The following SERPINE2 variants were observed in gnomAD, a reference collection of about 807,000 sequenced individuals.
The protein encoded by SERPINE2 is glia-derived nexin.
Under a neutral mutation model 36.3 loss-of-function variants are expected in SERPINE2, and 14 were observed. That is an observed-to-expected ratio of 0.39 (90% CI 0.25 to 0.60). SERPINE2 has a LOEUF of 0.60. SERPINE2 is among the 20% of genes least tolerant of loss of function. SERPINE2 has a pLI of 0.57. For synonymous variants in SERPINE2, 192 were observed against 191.8 expected, an observed-to-expected ratio of 1.00 and a Z score of -0.01; for missense variants, 418 against 499.6, an observed-to-expected ratio of 0.84 and a Z score of 1.56.
At chr2:223,983,694 G>A (rs6436450) in intron 5 of SERPINE2, among the ~76,000 whole-genome samples, 2 of 18,906 alleles carry the variant, frequency 1.1e-4, no homozygotes, top group South Asian at 7.9e-4. Flanking sequence ...GGAGATATAT[G>A]CACACACACA....
chr2:224,030,149 A>T (rs1692313939), intron 1 of SERPINE2: 2 of 985,320 alleles, frequency 2.0e-6, no homozygotes, highest in Non-Finnish European at 2.4e-6. Context: ...AGTCAGAAGG[A>T]GGTTATTTCA....
At chr2:224,012,272 C>T (rs1559212959) in intron 1 of SERPINE2, among the ~76,000 whole-genome samples, 2 of 152,262 alleles carry the variant, frequency 1.3e-5, no homozygotes, top group East Asian at 1.9e-4. Flanking sequence ...TCTGGGAGAA[C>T]ATAACCTAAA....
chr2:223,995,965 G>A (rs1690872888), intron 3 of SERPINE2, among the ~76,000 whole-genome samples: 2 of 152,138 alleles, frequency 1.3e-5, no homozygotes, highest in African/African-American at 2.4e-5. Context: ...GTTTGGCACT[G>A]TCTCAAATTT....
intron 1 of SERPINE2, among the ~76,000 whole-genome samples, chr2:224,026,713 T>C (rs1024589551): frequency 7.2e-5 from 11 of 152,162 alleles, no homozygotes; most frequent in African/African-American, 2.7e-4. Flanking sequence ...TACTCAGAAA[T>C]TGCTCAGGTA....
At chr2:223,979,374 C>A (rs561220480) in intron 7 of SERPINE2, 1 of 152,188 alleles carries the variant, frequency 6.6e-6, no homozygotes, top group Non-Finnish European at 1.5e-5. Context: ...AAATTTCCAA[C>A]CCTCTTATTT....
intron 1 of SERPINE2, among the ~76,000 whole-genome samples, chr2:224,032,305 A>G (rs1208657510): frequency 1.3e-5 from 2 of 152,058 alleles, no homozygotes; most frequent in Non-Finnish European, 2.9e-5. Context: ...TCTTTCACAT[A>G]CCCACATCCA....
At chr2:223,985,300 C>CTT (rs35920706) in intron 4 of SERPINE2, among the ~76,000 whole-genome samples, 2 of 145,900 alleles carry the variant, frequency 1.4e-5, no homozygotes, top group East Asian at 4.0e-4. Flanking sequence ...AGAATCATTC[C>CTT]TTTTTTTTTT....
Position 223,980,358 on chromosome 2 carries a change from G to A in SERPINE2, c.1025C>T (p.Ala342Val). 2 of 1,614,102 alleles carry A rather than the reference G, an allele frequency of 1.2e-6. No homozygotes were observed. The highest frequency in any genetic ancestry group is 1.7e-6 in the Non-Finnish European group (2 of 1,179,970). Residue 342 changes from alanine (A) to valine (V), a missense_variant, in exon 7 of 9, where the codon GCA (alanine) becomes GTA (valine). Physicochemically the swap from Ala to Val is moderately conservative, Grantham distance 64. Coordinates refer to ENST00000409304, the MANE Select transcript of SERPINE2 (RefSeq NM_001136528.2). ...TCCATCTTCACTGACTTCAATTTTT[G>A]CTTTTTGCAAGATATGAGAAACATG... ...NLHVSHILQK[A>V]KIEVSEDGTK... is the part of the protein sequence containing the mutation.
rs11418943 is a variant in SERPINE2, at chr2:224,002,658, A to ATTTT, written c.-22-740_-22-737dup. On this transcript the variant is annotated intron_variant, in intron 1 of 8. Transcript: ENST00000409304. ...CAAGTGTGCGCCAACTCGTCTGGCA[A>ATTTT]TTTTTTTTTTTTTTTTTTTTTTAGT... Among the ~76,000 whole-genome samples the ATTTT allele has an allele frequency of 1.6e-4, 19 of 116,510 alleles. 2 individuals carry two copies. Among genetic ancestry groups the ATTTT allele is most frequent in the Non-Finnish European group, 1.9e-4 (11 of 58,792 alleles). 76.4% of individuals were successfully genotyped at this position (116,510 alleles called of 152,430 possible).
intron 1 of SERPINE2, among the ~76,000 whole-genome samples, chr2:224,002,755 A>C (rs770903376): frequency 2.7e-5 from 4 of 150,740 alleles, no homozygotes; most frequent in Non-Finnish European, 5.9e-5. Flanking sequence ...GCCTCCCAAA[A>C]TGCTGGGATT....
intron 3 of SERPINE2, among the ~76,000 whole-genome samples, chr2:223,996,225 G>A (rs531392071): frequency 6.6e-6 from 1 of 152,172 alleles, no homozygotes; most frequent in Admixed American, 6.5e-5. Flanking sequence ...GCGGCTAAGA[G>A]GACAAAATGA....
chr2:224,031,382 CAT>C (rs1295978873), intron 1 of SERPINE2: 2 of 985,428 alleles, frequency 2.0e-6, no homozygotes, highest in Non-Finnish European at 2.4e-6. Flanking sequence ...TAGGAGACCA[CAT>C]AGAGATTCCG....
intron 1 of SERPINE2, among the ~76,000 whole-genome samples, chr2:224,033,023 T>TA (rs902304132): frequency 1.3e-5 from 2 of 152,224 alleles, no homozygotes; most frequent in African/African-American, 4.8e-5. Flanking sequence ...AAAATCATAC[T>TA]AATCTCTCAG....
intron 1 of SERPINE2, among the ~76,000 whole-genome samples, chr2:224,003,939 G>A (rs1377245404): frequency 1.3e-5 from 2 of 152,120 alleles, no homozygotes; most frequent in African/African-American, 4.8e-5. Flanking sequence ...TGCTCTGGGG[G>A]AAAGCATGGG....
At chr2:223,984,590 C>T (rs975212449) in intron 5 of SERPINE2, among the ~76,000 whole-genome samples, 162 bp downstream of exon 5, 3 of 152,162 alleles carry the variant, frequency 2.0e-5, no homozygotes, top group African/African-American at 7.2e-5. Flanking sequence ...TGAATAAAAG[C>T]GTTTAGAAAA....
intron 1 of SERPINE2, among the ~76,000 whole-genome samples, chr2:224,023,430 C>G (rs1198071615): frequency 3.3e-5 from 5 of 152,186 alleles, no homozygotes; most frequent in African/African-American, 1.2e-4. Context: ...CTCCCTTTGG[C>G]AACAGACACT....
At chr2:223,995,997 T>C (rs564025912) in intron 3 of SERPINE2, among the ~76,000 whole-genome samples, 3 of 152,346 alleles carry the variant, frequency 2.0e-5, no homozygotes, top group African/African-American at 7.2e-5. Flanking sequence ...TGTGTGTGCA[T>C]AGAGTAATAT....
chr2:224,007,546 T>C (rs1691469222), intron 1 of SERPINE2, among the ~76,000 whole-genome samples: 1 of 152,230 alleles, frequency 6.6e-6, no homozygotes, highest in Non-Finnish European at 1.5e-5. Flanking sequence ...TTTCAACATA[T>C]AGACTCAGCC....
chr2:223,989,418 T>C (rs17248985), intron 4 of SERPINE2, among the ~76,000 whole-genome samples: 2,487 of 152,306 alleles, frequency 0.016, 28 homozygotes, highest in Non-Finnish European at 0.025. Context: ...CCTGTGAGTT[T>C]GGACACAGCA....
Sources: allele counts gnomAD v4.1 joint callset (sites outside exome capture counted in the v4.1 genomes callset), GRCh38; gene constraint gnomAD v4.1.1; transcripts MANE v1.5; gene names NCBI Gene and HGNC (gene_info 2026-07-23, HGNC 2026-07-21).